TMEM266: variants seen among roughly 807,000 people sequenced by gnomAD.
TMEM266 encodes the protein Hv1 related protein 1.
In TMEM266, 33 loss-of-function variants were observed where a neutral mutation model predicts 50.5. The observed-to-expected ratio is 0.65, with a 90% CI of 0.50 to 0.87. TMEM266 has a LOEUF of 0.87. TMEM266 is among the 40% of genes least tolerant of loss of function. The pLI is 0.00. For synonymous variants in TMEM266, 310 were observed against 292.3 expected (o/e 1.06, Z -0.62); for missense variants, 655 against 695.1 (o/e 0.94, Z 0.65).
intron 3 of TMEM266, among the ~76,000 whole-genome samples, chr15:76,151,495 G>A (rs1376285004): frequency 6.6e-6 from 1 of 152,048 alleles, no homozygotes; most frequent in Non-Finnish European, 1.5e-5. Flanking sequence ...TGGGGTCTGT[G>A]GTCTTGCAGT....
chr15:76,112,736 T>A (rs2037189800), intron 1 of TMEM266: 1 of 152,190 alleles, frequency 6.6e-6, no homozygotes, highest in Non-Finnish European at 1.5e-5. Flanking sequence ...GCCACTGAAC[T>A]AAATTTGGCA....
At chr15:76,170,357 T>G (rs1214001913) in intron 6 of TMEM266, among the ~76,000 whole-genome samples, 1 of 152,154 alleles carries the variant, frequency 6.6e-6, no homozygotes, top group African/African-American at 2.4e-5. Flanking sequence ...GCCCACTCCT[T>G]CCTCACCTCT....
intron 1 of TMEM266, among the ~76,000 whole-genome samples, chr15:76,090,019 T>C (rs1232461099): frequency 6.6e-6 from 1 of 152,192 alleles, no homozygotes; most frequent in Non-Finnish European, 1.5e-5. Context: ...GGAGGTAAGA[T>C]AATCAGTTAA....
chr15:76,142,349 G>A (rs1282098838), intron 3 of TMEM266, among the ~76,000 whole-genome samples: 4 of 150,966 alleles, frequency 2.6e-5, no homozygotes, highest in Non-Finnish European at 4.4e-5. Flanking sequence ...AGATCACGCA[G>A]CCACTGCACT....
chr15:76,182,929 G>C (rs544189129), intron 8 of TMEM266, among the ~76,000 whole-genome samples: 2 of 152,110 alleles, frequency 1.3e-5, no homozygotes, highest in East Asian at 3.9e-4. Flanking sequence ...CTGATAGTTA[G>C]GGTGAGTAAC....
intron 7 of TMEM266, among the ~76,000 whole-genome samples, chr15:76,174,422 G>T (rs761352139): frequency 2.0e-5 from 3 of 151,888 alleles, no homozygotes; most frequent in Non-Finnish European, 4.4e-5. Flanking sequence ...GTGGTGGCGG[G>T]TGCCTGTAAT....
At chr15:76,076,492 A>G (rs2036609656) in intron 1 of TMEM266, among the ~76,000 whole-genome samples, 1 of 152,104 alleles carries the variant, frequency 6.6e-6, no homozygotes, top group Admixed American at 6.5e-5. Flanking sequence ...TTCATAAACC[A>G]ACAATTTAAC....
At chr15:76,179,089 TG>T (rs144295893) in intron 8 of TMEM266, among the ~76,000 whole-genome samples, 19,698 of 152,218 alleles carry the variant, frequency 0.13, 1,482 homozygotes, top group African/African-American at 0.21. Context: ...ATGTCAGAGA[TG>T]GCTAGACCCT....
chr15:76,163,037 C>G (rs1050139108), intron 5 of TMEM266, among the ~76,000 whole-genome samples: 1 of 152,240 alleles, frequency 6.6e-6, no homozygotes, highest in African/African-American at 2.4e-5. Flanking sequence ...CACCCCTCCT[C>G]TCAGCTGAGC....
chr15:76,079,800 T>G, intron 1 of TMEM266, among the ~76,000 whole-genome samples: 3 of 137,320 alleles, frequency 2.2e-5, no homozygotes, highest in Non-Finnish European at 3.1e-5. Context: ...ATCCACATTC[T>G]GAGGTTTTAG....
chr15:76,167,233 G>T (rs1162749568), intron 5 of TMEM266, among the ~76,000 whole-genome samples: 1 of 152,142 alleles, frequency 6.6e-6, no homozygotes, highest in Non-Finnish European at 1.5e-5. Flanking sequence ...CACTTTGGGA[G>T]GCCGAGGCTG....
chr15:76,144,500 G>A (rs1263159726), intron 3 of TMEM266, among the ~76,000 whole-genome samples: 1 of 152,168 alleles, frequency 6.6e-6, no homozygotes, highest in Non-Finnish European at 1.5e-5. Context: ...GAAACCCAAA[G>A]CCCATGCCGT....
chr15:76,079,514 G>A (rs1040845599), intron 1 of TMEM266, among the ~76,000 whole-genome samples: 1 of 149,766 alleles, frequency 6.7e-6, no homozygotes, highest in Non-Finnish European at 1.5e-5. Flanking sequence ...TTCTGGCTGG[G>A]CATGGTGGCT....
At chr15:76,193,335 C>T (rs2038610135) in intron 9 of TMEM266, among the ~76,000 whole-genome samples, 1 of 152,204 alleles carries the variant, frequency 6.6e-6, no homozygotes, top group South Asian at 2.1e-4. Context: ...ATCCTCCCAC[C>T]TCAGCCTCCT....
Position 76,069,411 on chromosome 15 carries a change from T to G in TMEM266, c.-97+9395T>G, listed in dbSNP as rs188160681. On this transcript the variant is annotated intron_variant, in intron 1 of 10. Transcript: ENST00000388942. ...TGAGTTGTAAAAGCTGAGGTTGATA[T>G]GAGTTTGCATAGTAAGAGGAATGTT... 2.6e-5 allele frequency among the ~76,000 whole-genome samples: 4 copies of G among 152,298 alleles called. No individual in the cohort carries two copies. In the East Asian group the frequency reaches 7.7e-4, roughly 29 times the overall value.
At chr15:76,124,405 G>A (rs1329060995) in intron 1 of TMEM266, among the ~76,000 whole-genome samples, 1 of 152,138 alleles carries the variant, frequency 6.6e-6, no homozygotes, top group Non-Finnish European at 1.5e-5. Flanking sequence ...GCACAAATAA[G>A]TAGAACGATA....
intron 1 of TMEM266, among the ~76,000 whole-genome samples, chr15:76,080,837 C>G (rs2036680887): frequency 6.6e-6 from 1 of 152,048 alleles, no homozygotes; most frequent in Non-Finnish European, 1.5e-5. Flanking sequence ...GCCTCAAACT[C>G]CTGGGCTCAA....
chr15:76,117,355 A>G (rs1377981592), intron 1 of TMEM266, among the ~76,000 whole-genome samples: 2 of 152,122 alleles, frequency 1.3e-5, no homozygotes, highest in Admixed American at 1.3e-4. Flanking sequence ...TACCAGCATC[A>G]AATGAAACAC....
Position 76,202,226 on chromosome 15 carries a change from A to C in TMEM266, c.983A>C (p.Asn328Thr). 5 of 1,613,954 alleles carry C rather than the reference A, an allele frequency of 3.1e-6. No homozygotes were observed. Among genetic ancestry groups the C allele is most frequent in the Non-Finnish European group, 4.2e-6 (5 of 1,179,878 alleles). ...DMNSYISQYY[N>T]GPSSDSGVPE... Reference sequence around the variant, plus strand: ...GAAGCCACGATGAAGGACGACATGAACAGCTACATCAGTCAGTATTACAAT... The same window carrying C: ...GAAGCCACGATGAAGGACGACATGACCAGCTACATCAGTCAGTATTACAAT... The change falls in exon 10 of 11, where the codon AAC becomes ACC. Residue 328 changes from asparagine to threonine, a missense_variant. By Grantham distance (65) the Asn-to-Thr change is moderately conservative. Around this residue, in one of 3 missense-constraint regions of TMEM266, gnomAD observed 455 missense variants for 401.8 expected, o/e 1.13. Coordinates refer to ENST00000388942, the MANE Select transcript of TMEM266 (RefSeq NM_152335.3).
Sources: gnomAD v4.1 joint callset for allele counts (sites outside exome capture counted in the v4.1 genomes callset) on GRCh38, gnomAD v4.1.1 for gene constraint, gnomAD v4.1.1 regional missense constraint, MANE v1.5 for transcripts, NCBI Gene and HGNC (gene_info 2026-07-23, HGNC 2026-07-21) for gene names.